The following CHRM3 variants were observed in gnomAD, a reference collection of about 807,000 sequenced individuals.
The protein encoded by CHRM3 is cholinergic receptor muscarinic 3.
CHRM3 carries 11 observed loss-of-function variants against 41.8 expected under a neutral mutation model. The observed-to-expected ratio is 0.26, with a 90% confidence interval of 0.17 to 0.44. The LOEUF is 0.44. Ranked by LOEUF, CHRM3 falls within the 20% of genes least tolerant of loss-of-function variation. The pLI is 1.00. For missense variants in CHRM3, 571 were observed against 745.4 expected, an observed-to-expected ratio of 0.77 and a Z score of 2.72; for synonymous variants, 297 against 301.4, an observed-to-expected ratio of 0.99 and a Z score of 0.15.
intron 3 of CHRM3, among the ~76,000 whole-genome samples, chr1:239,554,463 TG>T (rs1383102774): frequency 1.1e-4 from 17 of 151,866 alleles, no homozygotes; most frequent in African/African-American, 2.9e-4. Context: ...TGTGTGTGTG[TG>T]TGTGTGTATG....
At chr1:239,866,453 C>T (rs1344114684) in intron 6 of CHRM3, among the ~76,000 whole-genome samples, 2 of 152,086 alleles carry the variant, frequency 1.3e-5, no homozygotes, top group East Asian at 3.9e-4. Flanking sequence ...GAGGTGGATC[C>T]TAGATTCACC....
At chr1:239,518,787 A>G (rs1669438513) in intron 2 of CHRM3, among the ~76,000 whole-genome samples, 1 of 152,232 alleles carries the variant, frequency 6.6e-6, no homozygotes, top group Non-Finnish European at 1.5e-5. Context: ...CTACCAAGGC[A>G]TCAGCAGTCT....
chr1:239,852,251 G>C (rs1263409513), intron 6 of CHRM3, among the ~76,000 whole-genome samples: 1 of 152,158 alleles, frequency 6.6e-6, no homozygotes, highest in African/African-American at 2.4e-5. Context: ...TGTTTCATAA[G>C]GTAGAAAAAG....
chr1:239,469,128 A>G (rs1331577175), intron 1 of CHRM3, among the ~76,000 whole-genome samples: 1 of 152,166 alleles, frequency 6.6e-6, no homozygotes, highest in East Asian at 1.9e-4. Flanking sequence ...GGAAGTCTAG[A>G]TTATTTATTC....
intron 1 of CHRM3, among the ~76,000 whole-genome samples, chr1:239,486,984 G>A (rs12128278): frequency 0.15 from 23,125 of 152,162 alleles, 2,346 homozygotes; most frequent in Non-Finnish European, 0.2. Flanking sequence ...CCTAGATTTT[G>A]ACATTTATTG....
At chr1:239,871,202 A>G (rs1676550518) in intron 6 of CHRM3, among the ~76,000 whole-genome samples, 1 of 152,168 alleles carries the variant, frequency 6.6e-6, no homozygotes, top group Non-Finnish European at 1.5e-5. Flanking sequence ...AGGATGCACT[A>G]TATCCTGTGT....
In CHRM3 at chr1:239,774,921, T is replaced by C. The variant is rs187795920; in HGVS notation, c.-146-52331T>C. On this transcript the variant is annotated intron_variant, in intron 5 of 6. Transcript: ENST00000676153. ...ATGTGAGGGAAGCTTATTTAAACTT[T>C]AGTATGCAATAGTTTTGGAAATCTC... 4.3e-4 allele frequency among the ~76,000 whole-genome samples: 66 copies of C among 152,268 alleles called. 1 individual carries two copies. The highest frequency in any genetic ancestry group is 7.4e-5 in the Non-Finnish European group (5 of 68,010).
At chr1:239,816,257 G>T (rs545100851) in intron 5 of CHRM3, among the ~76,000 whole-genome samples, 6 of 152,272 alleles carry the variant, frequency 3.9e-5, no homozygotes, top group Admixed American at 2.0e-4. Flanking sequence ...GCTGATTCAG[G>T]CCAAGGGAAT....
At chr1:239,671,540 C>G (rs1257426792) in intron 4 of CHRM3, among the ~76,000 whole-genome samples, 1 of 152,160 alleles carries the variant, frequency 6.6e-6, no homozygotes, top group Non-Finnish European at 1.5e-5. Context: ...CTCCAGTGCA[C>G]TCCAGCCTGG....
At chr1:239,416,246 CG>C (rs1661493858) in intron 1 of CHRM3, among the ~76,000 whole-genome samples, 1 of 152,052 alleles carries the variant, frequency 6.6e-6, no homozygotes, top group African/African-American at 2.4e-5. Flanking sequence ...TTTCTCCTAA[CG>C]TTTAGATTCA....
chr1:239,787,104 T>A (rs927414765), intron 5 of CHRM3, among the ~76,000 whole-genome samples: 5 of 152,058 alleles, frequency 3.3e-5, no homozygotes, highest in African/African-American at 4.8e-5. Flanking sequence ...TGCCCATAAT[T>A]TTGGTTTTCA....
chr1:239,609,359 C>T (rs777352366), intron 3 of CHRM3, among the ~76,000 whole-genome samples: 25 of 152,140 alleles, frequency 1.6e-4, no homozygotes, highest in Non-Finnish European at 2.8e-4. Flanking sequence ...AGTACTACTC[C>T]ATTATGCCTA....
At chr1:239,607,389 T>C (rs1047937867) in intron 3 of CHRM3, among the ~76,000 whole-genome samples, 1 of 152,222 alleles carries the variant, frequency 6.6e-6, no homozygotes, top group African/African-American at 2.4e-5. Context: ...TCAAATTCCC[T>C]TTTAACAGAT....
At chr1:239,606,153 T>C (rs1220951412) in intron 3 of CHRM3, 4 of 152,190 alleles carry the variant, frequency 2.6e-5, no homozygotes, top group Non-Finnish European at 5.9e-5. Context: ...ATTTTACTAA[T>C]TTTGTCTTAG....
intron 4 of CHRM3, among the ~76,000 whole-genome samples, chr1:239,658,938 G>A (rs1013635808): frequency 2.6e-5 from 4 of 152,020 alleles, no homozygotes; most frequent in African/African-American, 4.8e-5. Context: ...GGGTGTCACC[G>A]TGTTAGCCAG....
At chr1:239,417,322 C>A (rs186575418) in intron 1 of CHRM3, among the ~76,000 whole-genome samples, 1 of 152,274 alleles carries the variant, frequency 6.6e-6, no homozygotes, top group East Asian at 1.9e-4. Flanking sequence ...GTGGTCTGCA[C>A]TTCTGGGTAA....
intron 4 of CHRM3, among the ~76,000 whole-genome samples, chr1:239,666,504 C>G (rs1321294489): frequency 1.3e-5 from 2 of 152,020 alleles, no homozygotes; most frequent in African/African-American, 4.8e-5. Flanking sequence ...TTACTTATTT[C>G]TGGACAGTGC....
chr1:239,775,305 T>C (rs1668005048), intron 5 of CHRM3, among the ~76,000 whole-genome samples: 1 of 152,190 alleles, frequency 6.6e-6, no homozygotes, highest in Admixed American at 6.5e-5. Context: ...CTCAAAGTTC[T>C]TTTTTTATAT....
chr1:239,666,749 G>T (rs1673846942), intron 4 of CHRM3, among the ~76,000 whole-genome samples: 1 of 152,104 alleles, frequency 6.6e-6, no homozygotes, highest in Non-Finnish European at 1.5e-5. Context: ...GGAGGCTGAG[G>T]TTTGGGGTAT....
Sources: allele counts gnomAD v4.1 joint callset (sites outside exome capture counted in the v4.1 genomes callset), GRCh38; gene constraint gnomAD v4.1.1; transcripts MANE v1.5; gene names NCBI Gene and HGNC (gene_info 2026-07-23, HGNC 2026-07-21).